Variants in TRPM3 observed in about 807,000 individuals in gnomAD.
TRPM3 encodes the protein transient receptor potential cation channel subfamily M member 3, also known as long transient receptor potential channel 3.
A neutral mutation model predicts 181.2 loss-of-function variants in TRPM3; 77 were observed. The observed-to-expected ratio is 0.42, with a 90% CI of 0.35 to 0.51. The LOEUF (loss-of-function observed/expected upper bound fraction) is 0.51. Ranked by LOEUF, TRPM3 falls within the 20% of genes least tolerant of loss-of-function variation. TRPM3 has a pLI of 0.01. For synonymous variants in TRPM3, 745 were observed against 796.4 expected, an observed-to-expected ratio of 0.94 and a Z score of 1.09; for missense variants, 1,759 against 2,196.7, an observed-to-expected ratio of 0.80 and a Z score of 3.98.
At chr9:70,784,425 A>G in intron 6 of TRPM3, 146 bp from the exon 7 acceptor site, 1 of 899,002 alleles carries the variant, frequency 1.1e-6, no homozygotes, top group Non-Finnish European at 1.6e-6. Context: ...TATGGTACTG[A>G]GCAAAAATTT....
chr9:70,798,220 A>G (rs1339123482), intron 6 of TRPM3, among the ~76,000 whole-genome samples: 1 of 152,006 alleles, frequency 6.6e-6, no homozygotes, highest in African/African-American at 2.4e-5. Flanking sequence ...ACACCCGGCT[A>G]ATTTCTATAT....
chr9:70,943,926 C>T (rs959556624), intron 1 of TRPM3, among the ~76,000 whole-genome samples: 2 of 152,038 alleles, frequency 1.3e-5, no homozygotes, highest in African/African-American at 2.4e-5. Flanking sequence ...ATTACAGGCA[C>T]CCAACACCAC....
intron 1 of TRPM3, among the ~76,000 whole-genome samples, chr9:70,990,390 C>T (rs1429712220): frequency 2.0e-5 from 3 of 152,116 alleles, no homozygotes; most frequent in Non-Finnish European, 4.4e-5. Context: ...AAAACTTCTG[C>T]CTAGAGCCCA....
chr9:70,973,679 AATC>A (rs1231678607), intron 1 of TRPM3, among the ~76,000 whole-genome samples: 1 of 152,216 alleles, frequency 6.6e-6, no homozygotes, highest in Non-Finnish European at 1.5e-5. Flanking sequence ...AAATGCTACA[AATC>A]ATCATCTTCA....
At chr9:70,831,962 A>AATATATATATATATATAT (rs71367232) in intron 5 of TRPM3, among the ~76,000 whole-genome samples, 81 of 64,178 alleles carry the variant, frequency 1.3e-3, no homozygotes, top group Non-Finnish European at 1.5e-3. Context: ...GTACCCCATA[A>AATATATATATATATATAT]ATATATATAT....
At chr9:70,568,380 A>G (rs2051223694) in intron 22 of TRPM3, among the ~76,000 whole-genome samples, 2 of 152,236 alleles carry the variant, frequency 1.3e-5, no homozygotes, top group Non-Finnish European at 1.5e-5. Flanking sequence ...CATATACAAT[A>G]TCTGATTGTT....
intron 12 of TRPM3, 151 bp downstream of exon 12, chr9:70,635,060 T>TATAC (rs1554793427): frequency 7.3e-6 from 4 of 547,032 alleles, no homozygotes; most frequent in Non-Finnish European, 1.3e-5. Context: ...AAAAGACACA[T>TATAC]ACACACACAC....
intron 1 of TRPM3, among the ~76,000 whole-genome samples, chr9:71,340,823 G>T (rs2090910756): frequency 6.6e-6 from 1 of 152,024 alleles, no homozygotes; most frequent in South Asian, 2.1e-4. Context: ...TCCAGTAAAA[G>T]AAACCAGGGC....
chr9:70,593,739 T>G (rs113564776), intron 21 of TRPM3, among the ~76,000 whole-genome samples: 5 of 151,816 alleles, frequency 3.3e-5, no homozygotes, highest in African/African-American at 1.2e-4. Flanking sequence ...GCTGGCCTCC[T>G]TTTTTAAAGC....
At chr9:70,607,056 A>G (rs1037455085) in intron 19 of TRPM3, among the ~76,000 whole-genome samples, 7 of 152,116 alleles carry the variant, frequency 4.6e-5, no homozygotes, top group Admixed American at 1.3e-4. Flanking sequence ...AATCCTCTCC[A>G]GATGGATACC....
intron 1 of TRPM3, among the ~76,000 whole-genome samples, chr9:71,246,977 G>A (rs2082069520): frequency 6.6e-6 from 1 of 152,172 alleles, no homozygotes; most frequent in Admixed American, 6.6e-5. Flanking sequence ...GACTGTTAAA[G>A]TGCTAGATTC....
At chr9:71,158,927 C>G (rs1461824335) in intron 1 of TRPM3, among the ~76,000 whole-genome samples, 1 of 152,014 alleles carries the variant, frequency 6.6e-6, no homozygotes, top group Admixed American at 6.6e-5. Context: ...TTCTCCTACC[C>G]TCAGCCCTCT....
intron 1 of TRPM3, among the ~76,000 whole-genome samples, chr9:71,203,673 A>G (rs1043533496): frequency 1.3e-5 from 2 of 152,146 alleles, no homozygotes; most frequent in African/African-American, 4.8e-5. Context: ...GATTACAGTT[A>G]TATCTACCTC....
chr9:70,598,515 G>C lies in TRPM3; in HGVS notation c.2952C>G (p.Ile984Met), dbSNP rs1002238823. 6.2e-7 allele frequency: 1 copy of C among 1,614,230 alleles called. No individual in the cohort carries two copies. The highest frequency in any genetic ancestry group is 8.5e-7 in the Non-Finnish European group (1 of 1,180,034). Residue 984 changes from isoleucine (I) to methionine (M), a missense_variant, in exon 21 of 26, where the codon ATC becomes ATG. Ile to Met is a conservative substitution (Grantham distance 10). This residue lies in a region of TRPM3 where 100 missense variants were observed against 123.0 expected (regional missense o/e 0.81). Transcript: ENST00000677713. ...ACCAGTAAATGATGTTCACGCAGTA[G>C]ATGACCCTCCCGTCACTCCTGAAGG... The part of the protein sequence containing the change: ...DQPFRSDGRV[I>M]YCVNIIYWYI...
At chr9:70,621,079 TTATA>T (rs1361878313) in intron 15 of TRPM3, among the ~76,000 whole-genome samples, 161 bp downstream of exon 15, 1 of 146,890 alleles carries the variant, frequency 6.8e-6, no homozygotes, top group South Asian at 2.1e-4. Context: ...GTATTACACA[TTATA>T]TATACTATAT....
At chr9:71,196,224 A>G (rs2078349813) in intron 1 of TRPM3, among the ~76,000 whole-genome samples, 2 of 151,094 alleles carry the variant, frequency 1.3e-5, no homozygotes, top group Admixed American at 1.3e-4. Flanking sequence ...CCTGTGGTAT[A>G]TTTATTTGAT....
intron 1 of TRPM3, among the ~76,000 whole-genome samples, chr9:70,922,155 G>T (rs975497697): frequency 1.3e-5 from 2 of 152,118 alleles, no homozygotes; most frequent in Admixed American, 6.5e-5. Context: ...ACATATCTGT[G>T]CATAGATTGA....
In TRPM3 at chr9:70,530,278, TAGACTA is replaced by T. The variant is rs887003318; in HGVS notation, c.*5669_*5674del. On this transcript the variant is annotated 3_prime_UTR_variant, in exon 26 of 26. Transcript: ENST00000677713. ...GGTCTGGTGAAAAAGCAGCTAGTCT[TAGACTA>T]AGAGAAGAGAAGCAAGAAGAGGGGA... 6.6e-6 allele frequency: 1 copy of T among 152,196 alleles called. No homozygotes were observed. The highest frequency in any genetic ancestry group is 2.4e-5 in the African/African-American group (1 of 41,414). The allele number at this position is 152,196 out of a possible 1,614,324, so 9.4% of individuals were successfully genotyped here. A position where few individuals can be genotyped will look rare whatever the true frequency, so the allele number is the denominator to read the frequency against.
intron 12 of TRPM3, 119 bp downstream of exon 12, chr9:70,635,087 CTGAAA>C (rs2056930740): frequency 2.8e-6 from 2 of 720,992 alleles, no homozygotes; most frequent in Non-Finnish European, 2.3e-6. Flanking sequence ...ACACACTGTT[CTGAAA>C]TGAGTGGCGC....
Sources: gnomAD v4.1 joint callset for allele counts (sites outside exome capture counted in the v4.1 genomes callset) on GRCh38, gnomAD v4.1.1 for gene constraint, gnomAD v4.1.1 regional missense constraint, MANE v1.5 for transcripts, NCBI Gene and HGNC (gene_info 2026-07-23, HGNC 2026-07-21) for gene names.